The following NCOA1 variants were observed in gnomAD, a reference collection of about 807,000 sequenced individuals.
NCOA1 encodes the protein Hin-2 protein.
A neutral mutation model predicts 150.9 loss-of-function variants in NCOA1; 35 were observed. That is an observed-to-expected ratio of 0.23 (90% CI 0.18 to 0.31). NCOA1 has a LOEUF of 0.31. Among genes scored for constraint, NCOA1 ranks in the 10% least tolerant of loss-of-function variants. NCOA1 has a pLI of 1.00. For missense variants in NCOA1, 1,491 were observed against 1,749.3 expected (o/e 0.85, Z 2.63); for synonymous variants, 590 against 630.0 (o/e 0.94, Z 0.95).
intron 3 of NCOA1, among the ~76,000 whole-genome samples, chr2:24,597,042 G>A: frequency 6.6e-6 from 1 of 152,180 alleles, no homozygotes; most frequent in East Asian, 1.9e-4. Flanking sequence ...TTTACACACT[G>A]TGCTTTTGTG....
chr2:24,757,259 G>A (rs1259205152), intron 20 of NCOA1, among the ~76,000 whole-genome samples: 1 of 152,122 alleles, frequency 6.6e-6, no homozygotes, highest in African/African-American at 2.4e-5. Flanking sequence ...GAGTCCCAGG[G>A]TATTCTCTTG....
intron 1 of NCOA1, among the ~76,000 whole-genome samples, chr2:24,500,065 G>C (rs1363665176): frequency 1.3e-5 from 2 of 152,144 alleles, no homozygotes; most frequent in Non-Finnish European, 2.9e-5. Context: ...CTTAACTCTT[G>C]GGACCCCAGG....
chr2:24,590,542 G>A (rs1667613439), intron 3 of NCOA1, among the ~76,000 whole-genome samples: 2 of 151,998 alleles, frequency 1.3e-5, no homozygotes, highest in South Asian at 4.1e-4. Flanking sequence ...TTGAAATGTG[G>A]ATTTAATAAA....
chr2:24,748,025 G>A (rs1291490085), intron 19 of NCOA1, among the ~76,000 whole-genome samples: 1 of 151,912 alleles, frequency 6.6e-6, no homozygotes, highest in Non-Finnish European at 1.5e-5. Context: ...AGAATTGCTT[G>A]AACCCAGGAG....
At chr2:24,537,744 CA>C in intron 1 of NCOA1, among the ~76,000 whole-genome samples, 1 of 152,108 alleles carries the variant, frequency 6.6e-6, no homozygotes, top group Admixed American at 6.6e-5. Context: ...GCTTTTGTCA[CA>C]AAAAGTATGT....
chr2:24,553,130 T>G (rs952345153), intron 1 of NCOA1, among the ~76,000 whole-genome samples: 2 of 152,220 alleles, frequency 1.3e-5, no homozygotes, highest in Admixed American at 1.3e-4. Flanking sequence ...GCTATAGATT[T>G]GTTATAGATA....
chr2:24,605,681 T>C (rs1258158680), intron 3 of NCOA1, among the ~76,000 whole-genome samples: 1 of 152,216 alleles, frequency 6.6e-6, no homozygotes, highest in Non-Finnish European at 1.5e-5. Flanking sequence ...TGGCTAGATA[T>C]ACACTGAAAA....
At position 24,750,636 on chromosome 2, in the gene NCOA1, G is replaced by A. The variant is rs118094724; in HGVS notation, c.3707-1346G>A. ...TTCCCCCCAAAAAGCAAATCTTTTA[G>A]AGACAGAAAGTAGATCAGAGGTTAC... On this transcript the variant is annotated intron_variant, in intron 19 of 22. Coordinates refer to ENST00000348332, the MANE Select transcript of NCOA1 (RefSeq NM_003743.5). Among the ~76,000 whole-genome samples the A allele has an allele frequency of 1.1e-4, 17 of 152,296 alleles. No individual in the cohort carries two copies. In the East Asian group the frequency reaches 3.1e-3, roughly 28 times the overall value.
In NCOA1 at chr2:24,591,216, C is replaced by G. The variant is rs555665152; in HGVS notation, c.-175+6656C>G. On this transcript the variant is annotated intron_variant, in intron 3 of 22. Transcript: ENST00000348332. Reference sequence around the variant, plus strand: ...AGCAAGAAATAATTTAAGCACAAAGCCCAAGCTAATTGTGGAAATGGACCA... The same window carrying G: ...AGCAAGAAATAATTTAAGCACAAAGGCCAAGCTAATTGTGGAAATGGACCA... Among the ~76,000 whole-genome samples, 46 of 152,160 alleles carry G rather than the reference C, an allele frequency of 3.0e-4. No homozygotes were observed. In the South Asian group the frequency reaches 9.5e-3, roughly 32 times the overall value.
chr2:24,707,296 A>G lies in NCOA1; in HGVS notation c.1826A>G (p.Asp609Gly). ...AGCTCTAGTGATGGCAAACCTCTGG[A>G]TTCAGGGCTTCTGCATAACAATGAC... ...DNSSSDGKPL[D>G]SGLLHNNDRL... The change falls in exon 13 of 23, where the codon GAT becomes GGT. Residue 609 changes from aspartate (D) to glycine (G), a missense_variant. By Grantham distance (94) the Asp-to-Gly change is moderately conservative (BLOSUM62 -1). Around this residue, in one of 8 missense-constraint regions of NCOA1, gnomAD observed 703 missense variants for 717.7 expected, o/e 0.98. Transcript: ENST00000348332. 6.2e-7 allele frequency: 1 copy of G among 1,614,210 alleles called. No individual in the cohort carries two copies. Among genetic ancestry groups the G allele is most frequent in the Admixed American group, 1.7e-5 (1 of 60,028 alleles).
At chr2:24,651,169 G>C (rs1296936984) in intron 4 of NCOA1, among the ~76,000 whole-genome samples, 1 of 151,948 alleles carries the variant, frequency 6.6e-6, no homozygotes, top group Non-Finnish European at 1.5e-5. Flanking sequence ...ATATGACTCA[G>C]AATTAACATA....
At chr2:24,491,772 C>G (rs1440331090) in intron 1 of NCOA1, 170 bp downstream of exon 1, 17 of 151,064 alleles carry the variant, frequency 1.1e-4, no homozygotes, top group Non-Finnish European at 1.6e-4. Context: ...CGCGGCCCGG[C>G]GCGGCTGGAG....
chr2:24,627,855 A>G (rs56001375), intron 3 of NCOA1, among the ~76,000 whole-genome samples: 2 of 152,258 alleles, frequency 1.3e-5, no homozygotes, highest in African/African-American at 4.8e-5. Flanking sequence ...CCTTGTGGCA[A>G]ATACAGAGAG....
chr2:24,584,120 A>G (rs188295871), intron 2 of NCOA1, among the ~76,000 whole-genome samples: 3 of 152,294 alleles, frequency 2.0e-5, no homozygotes, highest in East Asian at 1.9e-4. Flanking sequence ...ATTATTAAAC[A>G]TTCTATATAT....
intron 2 of NCOA1, among the ~76,000 whole-genome samples, chr2:24,571,896 C>T (rs1156647817): frequency 6.6e-6 from 1 of 152,086 alleles, no homozygotes; most frequent in Non-Finnish European, 1.5e-5. Flanking sequence ...GTAAGCAGTT[C>T]ATTCATGGCT....
rs1185860139 is a variant in NCOA1 at position 24,707,770 on chromosome 2, G to A, written c.2300G>A (p.Ser767Asn). ...GATTTAAGATCAACTCCAAACCTGA[G>A]CCTGGATGATGTAAAGGTGAAAGTG... The part of the protein sequence containing the change: ...EKDLRSTPNL[S>N]LDDVKVKVEK... Residue 767 changes from serine to asparagine, a missense_variant, in exon 13 of 23, where the codon AGC becomes AAC. Ser to Asn is a conservative substitution (Grantham distance 46). Coordinates refer to ENST00000348332, the MANE Select transcript of NCOA1 (RefSeq NM_003743.5). 3 of 1,614,054 alleles carry A rather than the reference G, an allele frequency of 1.9e-6. No individual in the cohort carries two copies. Among genetic ancestry groups the A allele is most frequent in the African/African-American group, 2.7e-5 (2 of 74,912 alleles).
intron 19 of NCOA1, among the ~76,000 whole-genome samples, chr2:24,749,218 T>G (rs1664095320): frequency 6.6e-6 from 1 of 152,150 alleles, no homozygotes; most frequent in Non-Finnish European, 1.5e-5. Context: ...TTCTTGAGAT[T>G]GTCCAGACTG....
intron 3 of NCOA1, among the ~76,000 whole-genome samples, chr2:24,617,623 G>C (rs1046497653): frequency 6.6e-6 from 1 of 152,020 alleles, no homozygotes; most frequent in Non-Finnish European, 1.5e-5. Context: ...TAATGTGTAC[G>C]TAACTGAGTT....
At chr2:24,746,071 C>A (rs1159790864) in intron 19 of NCOA1, among the ~76,000 whole-genome samples, 1 of 152,202 alleles carries the variant, frequency 6.6e-6, no homozygotes, top group Non-Finnish European at 1.5e-5. Context: ...CTTACGTGAG[C>A]AGAGTGTGAC....
Sources: gnomAD v4.1 joint callset for allele counts (sites outside exome capture counted in the v4.1 genomes callset) on GRCh38, gnomAD v4.1.1 for gene constraint, gnomAD v4.1.1 regional missense constraint, MANE v1.5 for transcripts, NCBI Gene and HGNC (gene_info 2026-07-23, HGNC 2026-07-21) for gene names.